Variants in BICC1 observed in about 807,000 individuals in gnomAD.
BICC1 encodes the protein BicC family RNA binding protein 1.
In BICC1, 43 loss-of-function variants were observed where a neutral mutation model predicts 111.0. The ratio of observed to expected loss-of-function variants is 0.39; its 90% CI spans 0.30 to 0.50. The LOEUF is 0.50. BICC1 is among the 20% of genes least tolerant of loss of function. The probability of loss-of-function intolerance (pLI) is 0.88; values close to 1 mark genes in which losing one functional copy is unlikely to be tolerated. For missense variants in BICC1, 1,091 were observed against 1,203.2 expected (o/e 0.91, Z 1.38); for synonymous variants, 467 against 434.4 (o/e 1.07, Z -0.93).
intron 8 of BICC1, 36 bp downstream of exon 8, chr10:58,789,969 A>G (rs1191449879): frequency 6.2e-6 from 10 of 1,607,628 alleles, no homozygotes; most frequent in Non-Finnish European, 8.5e-6. Context: ...AATTTTTTTA[A>G]ACCTCTTTGG....
chr10:58,716,366 T>A lies in BICC1; in HGVS notation c.307+14223T>A, dbSNP rs1176771242. The A allele has an allele frequency of 3.2e-6, 4 of 1,233,962 alleles. No homozygotes were observed. The East Asian group carries it at 1.2e-4, about 37-fold the overall frequency. 76.4% of individuals were successfully genotyped at this position (1,233,962 alleles called of 1,614,324 possible). On this transcript the variant is annotated intron_variant, in intron 3 of 20. Transcript: ENST00000373886. ...TTTCAACTGTGAAAACTACAACATATTTACTAACATGCATGAATTTTCTTG... is the reference window on the plus strand; with the variant it reads ...TTTCAACTGTGAAAACTACAACATAATTACTAACATGCATGAATTTTCTTG...
intron 1 of BICC1, among the ~76,000 whole-genome samples, chr10:58,583,601 TG>T (rs1309788784): frequency 3.9e-5 from 6 of 151,974 alleles, no homozygotes; most frequent in Non-Finnish European, 5.9e-5. Flanking sequence ...TGTGTGTGTG[TG>T]TGTGTGTGTG....
At chr10:58,583,576 C>CTA (rs1374743473) in intron 1 of BICC1, among the ~76,000 whole-genome samples, 2 of 58,594 alleles carry the variant, frequency 3.4e-5, no homozygotes, top group Middle Eastern at 9.1e-3. Flanking sequence ...GAGTAGTATT[C>CTA]TCTCTCTCTG....
In BICC1 at chr10:58,638,061, A is replaced by C. The variant is rs1202924280; in HGVS notation, c.237+17160A>C. 3.3e-5 allele frequency among the ~76,000 whole-genome samples: 5 copies of C among 152,190 alleles called. No individual in the cohort carries two copies. The East Asian group carries it at 9.6e-4, about 29-fold the overall frequency. ...AAGTTTCTAATACTAAATGACAGAC[A>C]TAGTAACATCTAGCAGGAGGGCTGT... On this transcript the variant is annotated intron_variant, in intron 2 of 20. Coordinates refer to ENST00000373886, the MANE Select transcript of BICC1 (RefSeq NM_001080512.3).
At chr10:58,632,722 G>A (rs1009217394) in intron 2 of BICC1, among the ~76,000 whole-genome samples, 18 of 152,114 alleles carry the variant, frequency 1.2e-4, no homozygotes, top group African/African-American at 4.3e-4. Flanking sequence ...ATGTCCTAAT[G>A]GAGACAAAAT....
chr10:58,645,786 T>G (rs1327571860), intron 2 of BICC1, among the ~76,000 whole-genome samples: 1 of 152,234 alleles, frequency 6.6e-6, no homozygotes, highest in Non-Finnish European at 1.5e-5. Flanking sequence ...TCATTTGAAC[T>G]GCCTTGAAGT....
At chr10:58,680,860 A>G (rs567602833) in intron 2 of BICC1, among the ~76,000 whole-genome samples, 2 of 152,360 alleles carry the variant, frequency 1.3e-5, no homozygotes, top group South Asian at 2.1e-4. Flanking sequence ...GGCCTCTGAA[A>G]TAGGTCCACA....
At chr10:58,806,504 A>C in intron 15 of BICC1, 80 bp from the exon 16 acceptor site, 1 of 1,290,376 alleles carries the variant, frequency 7.7e-7, no homozygotes, top group Non-Finnish European at 1.1e-6. Context: ...CACAGTCAAA[A>C]CCTTTGTTCT....
intron 2 of BICC1, among the ~76,000 whole-genome samples, chr10:58,662,138 A>C (rs1027119838): frequency 5.9e-5 from 9 of 152,170 alleles, no homozygotes; most frequent in Non-Finnish European, 1.3e-4. Context: ...CCTCTGGTGT[A>C]CTTGAAGAAA....
At chr10:58,572,777 G>A (rs1403711548) in intron 1 of BICC1, among the ~76,000 whole-genome samples, 1 of 152,092 alleles carries the variant, frequency 6.6e-6, no homozygotes, top group Admixed American at 6.6e-5. Context: ...CTGGGAGATG[G>A]GAAATGTGAG....
intron 1 of BICC1, among the ~76,000 whole-genome samples, chr10:58,619,188 A>G (rs1008009810): frequency 2.6e-5 from 4 of 152,236 alleles, no homozygotes; most frequent in African/African-American, 9.6e-5. Context: ...GGATTAGTAC[A>G]TGAACACCTT....
intron 1 of BICC1, among the ~76,000 whole-genome samples, chr10:58,618,808 T>C (rs533598560): frequency 4.6e-5 from 7 of 152,328 alleles, no homozygotes; most frequent in African/African-American, 1.7e-4. Flanking sequence ...ATCTTACTTT[T>C]TGGGTCTGAA....
intron 1 of BICC1, among the ~76,000 whole-genome samples, chr10:58,603,307 A>G (rs897819401): frequency 3.3e-5 from 5 of 152,174 alleles, no homozygotes; most frequent in Non-Finnish European, 7.4e-5. Flanking sequence ...AACTTGACTG[A>G]TGGTTTGGAA....
At position 58,636,063 on chromosome 10, in the gene BICC1, T is replaced by G. The variant is rs1406419770; in HGVS notation, c.237+15162T>G. 2.6e-5 allele frequency among the ~76,000 whole-genome samples: 4 copies of G among 152,328 alleles called. No homozygotes were observed. In the East Asian group the frequency reaches 7.7e-4, roughly 29 times the overall value. On this transcript the variant is annotated intron_variant, in intron 2 of 20. Coordinates refer to ENST00000373886, the MANE Select transcript of BICC1 (RefSeq NM_001080512.3). ...TCCAACTAGTTTCTGAATCTTGAAT[T>G]GAGACACTCAAATGTTTTGGGACCT...
chr10:58,576,408 T>TAA (rs748243237), intron 1 of BICC1, among the ~76,000 whole-genome samples: 97 of 151,080 alleles, frequency 6.4e-4, no homozygotes, highest in Admixed American at 1.6e-3. Context: ...CAAGAATTTC[T>TAA]AAATACTCTT....
intron 2 of BICC1, among the ~76,000 whole-genome samples, chr10:58,685,715 C>G (rs11006221): frequency 0.24 from 37,182 of 151,920 alleles, 5,632 homozygotes; most frequent in African/African-American, 0.43. Flanking sequence ...TTTCCATTTG[C>G]TTGGTAGATC....
intron 1 of BICC1, among the ~76,000 whole-genome samples, chr10:58,547,113 A>G (rs1843160956): frequency 6.6e-6 from 1 of 152,176 alleles, no homozygotes; most frequent in Non-Finnish European, 1.5e-5. Flanking sequence ...TTACCATCTT[A>G]TATTAATTAA....
intron 17 of BICC1, among the ~76,000 whole-genome samples, chr10:58,808,444 T>C (rs1843783610): frequency 6.6e-6 from 1 of 152,216 alleles, no homozygotes; most frequent in South Asian, 2.1e-4. Context: ...TGTGTTCCTA[T>C]AGTTTCAAAG....
At chr10:58,674,515 T>C (rs1839280698) in intron 2 of BICC1, among the ~76,000 whole-genome samples, 1 of 152,222 alleles carries the variant, frequency 6.6e-6, no homozygotes, top group Non-Finnish European at 1.5e-5. Context: ...TTCCTCACTG[T>C]TCTTTCTCTG....
Sources: allele counts gnomAD v4.1 joint callset (sites outside exome capture counted in the v4.1 genomes callset), GRCh38; gene constraint gnomAD v4.1.1; transcripts MANE v1.5; gene names NCBI Gene and HGNC (gene_info 2026-07-23, HGNC 2026-07-21).